Variants in LAMA5 observed in about 807,000 individuals in gnomAD.
LAMA5 encodes laminin subunit alpha-5.
LAMA5 carries 260 observed loss-of-function variants against 433.4 expected under a neutral mutation model. The observed-to-expected ratio is 0.60, with a 90% CI of 0.54 to 0.66. LAMA5 has a LOEUF of 0.66. Ranked by LOEUF, LAMA5 falls within the 30% of genes least tolerant of loss-of-function variation. The pLI is 0.00. For missense variants in LAMA5, 5,378 were observed against 5,258.5 expected (o/e 1.02, Z -0.70); for synonymous variants, 2,620 against 2,226.6 (o/e 1.18, Z -4.97).
rs527553739 is a variant in LAMA5, at chr20:62,316,720, G to A, written c.7707C>T (p.Ser2569=). 1 of 1,609,798 alleles carries A rather than the reference G, an allele frequency of 6.2e-7. No individual in the cohort carries two copies. The highest frequency in any genetic ancestry group is 1.1e-5 in the South Asian group (1 of 90,840). ...VDRAQQLLAN[S]TALEEAMLQE... is the part of the protein sequence containing the mutation. The stretch of plus-strand genomic sequence containing the variant: ...GGAGCATGGCCTCTTCTAGTGCAGT[G>A]CTGTTGGCCAGGAGCTGCTGGGCTC... Residue 2569 remains serine, a synonymous_variant, in exon 57 of 80, where the codon AGC becomes AGT. Coordinates refer to ENST00000252999, the MANE Select transcript of LAMA5 (RefSeq NM_005560.6).
chr20:62,336,660 C>T (rs147494593), intron 17 of LAMA5, 74 bp downstream of exon 17: 2 of 1,546,418 alleles, frequency 1.3e-6, no homozygotes, highest in Admixed American at 3.4e-5. Context: ...AAGCCCTGGT[C>T]TCACCGGACT....
In LAMA5 at chr20:62,313,640, C is replaced by G; in HGVS notation, c.8658+9G>C. ...CCCTCCCAGGCTGCCCCAGGCCGGG[C>G]GGGCTCACCGTGAAGGTACTGGGGT... is the stretch of plus-strand genomic sequence containing the variant. On this transcript the variant is annotated intron_variant, in intron 63 of 79. Coordinates refer to ENST00000252999, the MANE Select transcript of LAMA5 (RefSeq NM_005560.6). 1.2e-6 allele frequency: 2 copies of G among 1,612,012 alleles called. No individual in the cohort carries two copies. Among genetic ancestry groups the G allele is most frequent in the Non-Finnish European group, 1.7e-6 (2 of 1,179,652 alleles).
chr20:62,319,045 C>A, intron 51 of LAMA5, 32 bp from the exon 52 acceptor site: 2 of 1,508,910 alleles, frequency 1.3e-6, no homozygotes, highest in Non-Finnish European at 1.8e-6. Context: ...GAGCCTGGGG[C>A]CGCCCGTACT....
In LAMA5 at chr20:62,360,273, G is replaced by A. The variant is rs1382686384; in HGVS notation, c.450+2127C>T. Among the ~76,000 whole-genome samples the A allele has an allele frequency of 2.9e-5, 3 of 103,672 alleles. No homozygotes were observed. The South Asian group carries it at 1.2e-3, about 40-fold the overall frequency. The allele number at this position is 103,672 out of a possible 152,430, so 68.0% of individuals were successfully genotyped here. A position where few individuals can be genotyped will look rare whatever the true frequency, so the allele number is the denominator to read the frequency against. ...GGAATGAGCAGACAGGTGGACAGAT[G>A]GATGGAAACAAGGAATAAAGGGTGG... On this transcript the variant is annotated intron_variant, in intron 2 of 79. Transcript: ENST00000252999.
At position 62,359,697 on chromosome 20, in the gene LAMA5, A is replaced by G. The variant is rs1985747440; in HGVS notation, c.450+2703T>C. On this transcript the variant is annotated intron_variant, in intron 2 of 79. Transcript: ENST00000252999. This position sits in a 1 kb window ranked among gnomAD's most constrained non-coding sequence, Gnocchi z 4.3. ...CCTCTTCCTGAGGCCCCACCCTTGG[A>G]GAGAGAACCCCTCCACGGCTGGGCG... is the stretch of plus-strand genomic sequence containing the variant. Among the ~76,000 whole-genome samples the G allele has an allele frequency of 6.6e-6, 1 of 151,792 alleles. No homozygotes were observed. The highest frequency in any genetic ancestry group is 1.9e-4 in the East Asian group (1 of 5,146).
chr20:62,336,848 TCC>T, intron 16 of LAMA5, 62 bp from the exon 17 acceptor site: 1 of 1,554,946 alleles, frequency 6.4e-7, no homozygotes, highest in Non-Finnish European at 8.8e-7. Flanking sequence ...GCCAAGGGTG[TCC>T]CAGGCCCAGC....
At chr20:62,342,735 G>A (rs534833740) in intron 11 of LAMA5, among the ~76,000 whole-genome samples, 2 of 152,194 alleles carry the variant, frequency 1.3e-5, no homozygotes, top group African/African-American at 4.8e-5. Flanking sequence ...CAGGACTAAA[G>A]GGTTTTGTAA....
chr20:62,327,559 G>T lies in LAMA5; in HGVS notation c.4908C>A (p.Arg1636=). 2.5e-6 allele frequency: 4 copies of T among 1,612,906 alleles called. No individual in the cohort carries two copies. The highest frequency in any genetic ancestry group is 3.4e-6 in the Non-Finnish European group (4 of 1,180,014). ...TRCFCFGATE[R]CRSSSYTRQE... is the part of the protein sequence containing the mutation. The stretch of plus-strand genomic sequence containing the variant: ...GGCGGGTGTAGGACGAGCTCCGGCA[G>T]CGCTCCGTGGCCCCAAAGCAGAAGC... The change falls in exon 37 of 80, where the codon CGC becomes CGA. Residue 1636 remains arginine (R), a synonymous_variant. Transcript: ENST00000252999.
intron 46 of LAMA5, 89 bp downstream of exon 46, chr20:62,322,569 C>T: frequency 7.1e-7 from 1 of 1,413,332 alleles, no homozygotes; most frequent in Non-Finnish European, 9.6e-7. Flanking sequence ...CAAACACTGC[C>T]CCTCAGCCCC....
At chr20:62,319,045 C>T in intron 51 of LAMA5, 32 bp from the exon 52 acceptor site, 5 of 1,508,908 alleles carry the variant, frequency 3.3e-6, no homozygotes, top group Non-Finnish European at 4.4e-6. Flanking sequence ...GAGCCTGGGG[C>T]CGCCCGTACT....
intron 40 of LAMA5, 42 bp from the exon 41 acceptor site, chr20:62,325,588 G>A (rs1331182718): frequency 5.1e-6 from 7 of 1,375,998 alleles, no homozygotes; most frequent in Admixed American, 1.8e-5. Context: ...CACACTCAAT[G>A]GGACAGAACA....
In LAMA5 at chr20:62,329,809, C is replaced by G; in HGVS notation, c.4087G>C (p.Val1363Leu). ...DVTHSELTVT[V>L]RVPKGRWLWL... ...AGCCACCGGCCCTTGGGCACACGCA[C>G]GGTCACAGTGAGCTCGCTGTGGGTC... Residue 1363 changes from valine to leucine, a missense_variant, in exon 32 of 80, where the codon GTG becomes CTG. By Grantham distance (32) the Val-to-Leu change is conservative. Coordinates refer to ENST00000252999, the MANE Select transcript of LAMA5 (RefSeq NM_005560.6). 6.2e-7 allele frequency: 1 copy of G among 1,612,498 alleles called. No homozygotes were observed. The highest frequency in any genetic ancestry group is 8.5e-7 in the Non-Finnish European group (1 of 1,179,788).
At position 62,317,489 on chromosome 20, in the gene LAMA5, C is replaced by A; in HGVS notation, c.7367G>T (p.Arg2456Leu). ...AGCCCCATCCAGGCTGGCGGCGAGG[C>A]GCTCCAGCTCCTGGAATTTGAGTGG... ...SLDQAKEELE[R>L]LAASLDGART... The change falls in exon 55 of 80, where the codon CGC (arginine) becomes CTC (leucine). Residue 2456 changes from arginine to leucine, a missense_variant. By Grantham distance (102) the Arg-to-Leu change is moderately radical (BLOSUM62 -2). Transcript: ENST00000252999. 1.3e-6 allele frequency: 2 copies of A among 1,543,764 alleles called. No homozygotes were observed. The highest frequency in any genetic ancestry group is 1.2e-5 in the South Asian group (1 of 81,250).
At chr20:62,336,132 T>C (rs1372786004) in intron 18 of LAMA5, among the ~76,000 whole-genome samples, 2 of 95,050 alleles carry the variant, frequency 2.1e-5, no homozygotes, top group Non-Finnish European at 4.3e-5. Context: ...GCAGCCCCCC[T>C]GAGGAACCCC....
Position 62,362,460 on chromosome 20 carries a change from A to G in LAMA5, c.390T>C (p.Ser130=), listed in dbSNP as rs41284996. Residue 130 remains serine, a synonymous_variant, in exon 2 of 80, where the codon AGT becomes AGC. Transcript: ENST00000252999. The part of the protein sequence containing the change: ...AIDGTERWWQ[S]PPLSRGLEYN... Reference sequence around the variant, plus strand: ...ACTCCAGGCCGCGGGACAGCGGTGGACTCTGCCACCAGCGCTCCGTGCCAT... The same window carrying G: ...ACTCCAGGCCGCGGGACAGCGGTGGGCTCTGCCACCAGCGCTCCGTGCCAT... The G allele has an allele frequency of 0.06, 96,003 of 1,599,476 alleles. 3,744 individuals are homozygous for G. Among genetic ancestry groups the G allele is most frequent in the South Asian group, 0.17 (15,431 of 89,638 alleles).
intron 47 of LAMA5, 29 bp from the exon 48 acceptor site, chr20:62,322,197 C>A: frequency 6.3e-7 from 1 of 1,575,282 alleles, no homozygotes; most frequent in Non-Finnish European, 8.6e-7. Flanking sequence ...GTGAGCATGG[C>A]TGGCCTGGGA....
chr20:62,352,415 C>A, intron 3 of LAMA5, 55 bp from the exon 4 acceptor site: 1 of 1,400,176 alleles, frequency 7.1e-7, no homozygotes, highest in East Asian at 2.4e-5. Flanking sequence ...GCCTGGGTCC[C>A]CGCGGTGCCC....
At chr20:62,342,506 A>G (rs1982754081) in intron 11 of LAMA5, among the ~76,000 whole-genome samples, 2 of 151,680 alleles carry the variant, frequency 1.3e-5, no homozygotes, top group South Asian at 4.2e-4. Flanking sequence ...GTGAAACCCC[A>G]TCTCTACTAA....
chr20:62,353,379 G>GCA, intron 2 of LAMA5, 128 bp from the exon 3 acceptor site: 2 of 666,860 alleles, frequency 3.0e-6, no homozygotes, highest in Non-Finnish European at 5.1e-6. Flanking sequence ...CGCACAGGGG[G>GCA]CACCTCTGGG....
Sources: allele counts gnomAD v4.1 joint callset (sites outside exome capture counted in the v4.1 genomes callset), GRCh38; gene constraint gnomAD v4.1.1; non-coding constraint Gnocchi (gnomAD v3.1); transcripts MANE v1.5; gene names NCBI Gene and HGNC (gene_info 2026-07-23, HGNC 2026-07-21).